The following YKT6 variants were observed in gnomAD, a reference collection of about 807,000 sequenced individuals.
YKT6 encodes synaptobrevin homolog YKT6.
A neutral mutation model predicts 29.3 loss-of-function variants in YKT6; 12 were observed. That is an observed-to-expected ratio of 0.41 (90% CI 0.26 to 0.66). The LOEUF is 0.66. Among genes scored for constraint, YKT6 ranks in the 30% least tolerant of loss-of-function variants. The pLI is 0.32. For synonymous variants in YKT6, 86 were observed against 94.3 expected (o/e 0.91, Z 0.51); for missense variants, 188 against 243.8 (o/e 0.77, Z 1.52).
In YKT6 at chr7:44,212,543, C is replaced by T; in HGVS notation, c.*261C>T. On this transcript the variant is annotated 3_prime_UTR_variant, in exon 7 of 7. Coordinates refer to ENST00000223369, the MANE Select transcript of YKT6 (RefSeq NM_006555.4). ...AAATGAAACCATAAACTCCGACTGG[C>T]TTCTGTAGATGCCAAAGGGCTCTTT... 1 of 474,424 alleles carries T rather than the reference C, an allele frequency of 2.1e-6. No individual in the cohort carries two copies. Among genetic ancestry groups the T allele is most frequent in the South Asian group, 3.8e-5 (1 of 26,008 alleles). The allele number at this position is 474,424 out of a possible 1,614,324, so 29.4% of individuals were successfully genotyped here.
chr7:44,211,768 A>C (rs1271452779), intron 6 of YKT6, among the ~76,000 whole-genome samples: 1 of 152,242 alleles, frequency 6.6e-6, no homozygotes, highest in Non-Finnish European at 1.5e-5. Context: ...CCAGAAAGCA[A>C]GAGAGAAGGT....
chr7:44,201,256 G>A lies in YKT6; in HGVS notation c.104+17G>A. ...GAGATCCAGGTGAGCGGCACAGGCT[G>A]GTGGGCCGTGGCGGTCGGGCGGAGA... On this transcript the variant is annotated intron_variant, in intron 1 of 6. Transcript: ENST00000223369. 4 of 1,607,198 alleles carry A rather than the reference G, an allele frequency of 2.5e-6. No individual in the cohort carries two copies. Among genetic ancestry groups the A allele is most frequent in the Non-Finnish European group, 3.4e-6 (4 of 1,176,334 alleles).
intron 5 of YKT6, among the ~76,000 whole-genome samples, chr7:44,209,617 T>C (rs948932372): frequency 2.0e-5 from 3 of 152,220 alleles, no homozygotes; most frequent in Non-Finnish European, 4.4e-5. Flanking sequence ...CAGTTAACTT[T>C]CTGTGTTAAA....
intron 6 of YKT6, chr7:44,211,546 T>G (rs570881753): frequency 9.9e-7 from 1 of 1,012,736 alleles, no homozygotes; most frequent in Non-Finnish European, 1.2e-6. Context: ...TTAATTTCCC[T>G]TTGACAGAAA....
chr7:44,208,288 A>G, intron 5 of YKT6, 90 bp downstream of exon 5: 1 of 1,408,276 alleles, frequency 7.1e-7, no homozygotes, highest in African/African-American at 1.4e-5. Context: ...CCTCGTTTTA[A>G]TATAATAGTA....
At chr7:44,208,652 G>C (rs2096343461) in intron 5 of YKT6, 2 of 156,776 alleles carry the variant, frequency 1.3e-5, no homozygotes, top group Non-Finnish European at 2.8e-5. Flanking sequence ...TATGGGCCCA[G>C]GGTTGTCACA....
chr7:44,211,595 T>A, intron 6 of YKT6: 2 of 1,010,502 alleles, frequency 2.0e-6, no homozygotes, highest in Non-Finnish European at 2.4e-6. Flanking sequence ...TGACTGCCGC[T>A]TTCTCTCAGG....
At chr7:44,204,225 A>G (rs1214808778) in intron 1 of YKT6, among the ~76,000 whole-genome samples, 1 of 152,200 alleles carries the variant, frequency 6.6e-6, no homozygotes, top group Non-Finnish European at 1.5e-5. Context: ...CTTGGAAGTT[A>G]TTGGGACCTT....
chr7:44,205,863 A>G (rs756844247), intron 2 of YKT6, among the ~76,000 whole-genome samples: 12 of 152,184 alleles, frequency 7.9e-5, no homozygotes, highest in Non-Finnish European at 1.8e-4. Flanking sequence ...CCAGTCACCC[A>G]CCAGAGTGGA....
At chr7:44,206,773 C>T (rs2908284) in intron 3 of YKT6, among the ~76,000 whole-genome samples, 3,445 of 152,230 alleles carry the variant, frequency 0.023, 127 homozygotes, top group African/African-American at 0.077. Context: ...GTTCTCGCCC[C>T]CTGTGCTTCT....
rs56734972 is a variant in YKT6 at position 44,213,734 on chromosome 7, A to G, written c.*1452A>G. ...AGAGTCTCAGTGGTCCTGACCCCCA[A>G]TGTGGGCAGGGGCTGGGCAGGAGGG... On this transcript the variant is annotated 3_prime_UTR_variant, in exon 7 of 7. Transcript: ENST00000223369. The G allele has an allele frequency of 9.7e-3, 1,476 of 152,142 alleles. 20 individuals are homozygous for G. The highest frequency in any genetic ancestry group is 0.033 in the African/African-American group (1,377 of 41,466). The allele number at this position is 152,142 out of a possible 1,614,324, so 9.4% of individuals were successfully genotyped here. A position where few individuals can be genotyped will look rare whatever the true frequency, so the allele number is the denominator to read the frequency against.
chr7:44,201,453 G>C (rs1011169102), intron 1 of YKT6, among the ~76,000 whole-genome samples: 69 of 152,164 alleles, frequency 4.5e-4, no homozygotes, highest in African/African-American at 1.7e-3. Context: ...GGGGTCTGCT[G>C]TCCGGGCTTG....
At chr7:44,211,666 G>C in intron 6 of YKT6, 1 of 982,752 alleles carries the variant, frequency 1.0e-6, no homozygotes, top group Non-Finnish European at 1.2e-6. Flanking sequence ...GATAGTCATA[G>C]GGACAAATTT....
chr7:44,203,369 C>T (rs1403093988), intron 1 of YKT6, among the ~76,000 whole-genome samples: 4 of 152,238 alleles, frequency 2.6e-5, no homozygotes, highest in African/African-American at 7.2e-5. Flanking sequence ...GCTAGGATTA[C>T]AGGCTTGAGC....
intron 1 of YKT6, among the ~76,000 whole-genome samples, chr7:44,202,297 T>C (rs34110131): frequency 0.066 from 10,073 of 152,288 alleles, 357 homozygotes; most frequent in East Asian, 0.085. Context: ...GGTAAAATGG[T>C]ACACAAAATT....
rs143284758 is a variant in YKT6, at chr7:44,207,404, C to G, written c.305C>G (p.Ser102Cys). The G allele has an allele frequency of 1.1e-5, 18 of 1,613,884 alleles. No homozygotes were observed. Among genetic ancestry groups the G allele is most frequent in the Non-Finnish European group, 1.4e-5 (16 of 1,179,944 alleles). ...TLLEKVLDEFSKQVDRIDWPV... is the reference protein window; with the variant it reads ...TLLEKVLDEFCKQVDRIDWPV... ...GTCTTGCAGGTACTAGATGAATTCT[C>G]CAAGCAAGTCGACAGGATAGACTGG... The change falls in exon 4 of 7, where the codon TCC becomes TGC. Residue 102 changes from serine (S) to cysteine (C), a missense_variant. Around this residue, in one of 3 missense-constraint regions of YKT6, gnomAD observed 100 missense variants for 136.3 expected, o/e 0.73. Coordinates refer to ENST00000223369, the MANE Select transcript of YKT6 (RefSeq NM_006555.4).
rs57947158 is a variant in YKT6, at chr7:44,209,434, G to A, written c.459+1236G>A. Among the ~76,000 whole-genome samples the A allele has an allele frequency of 8.9e-3, 1,360 of 152,210 alleles. 17 individuals carry two copies. The highest frequency in any genetic ancestry group is 0.031 in the African/African-American group (1,271 of 41,512). On this transcript the variant is annotated intron_variant, in intron 5 of 6. Coordinates refer to ENST00000223369, the MANE Select transcript of YKT6 (RefSeq NM_006555.4). ...CTTACCACCTAGGTGGCATTTCTCC[G>A]TTTTCTCCTCAAGCCATCTCTTTCT...
rs998775671 is a variant in YKT6 at position 44,212,238 on chromosome 7, T to C, written c.562-9T>C. On this transcript the variant is annotated splice_polypyrimidine_tract_variant and intron_variant, in intron 6 of 6. Coordinates refer to ENST00000223369, the MANE Select transcript of YKT6 (RefSeq NM_006555.4). ...CCTCCTTCTCAGCTCCTCTTTGTTTTTTTCCAAGGCCCGGAAACAAAACTC... is the reference window on the plus strand; with the variant it reads ...CCTCCTTCTCAGCTCCTCTTTGTTTCTTTCCAAGGCCCGGAAACAAAACTC... 1 of 1,614,090 alleles carries C rather than the reference T, an allele frequency of 6.2e-7. No homozygotes were observed. Among genetic ancestry groups the C allele is most frequent in the Admixed American group, 1.7e-5 (1 of 60,028 alleles).
At chr7:44,207,724 T>G (rs567969296) in intron 4 of YKT6, among the ~76,000 whole-genome samples, 152 of 152,132 alleles carry the variant, frequency 1.0e-3, no homozygotes, top group African/African-American at 3.1e-3. Flanking sequence ...TGTGGGTTTT[T>G]TTTTTTGTTT....
Sources: allele counts gnomAD v4.1 joint callset (sites outside exome capture counted in the v4.1 genomes callset), GRCh38; gene constraint gnomAD v4.1.1; regional missense constraint gnomAD v4.1.1; transcripts MANE v1.5; gene names NCBI Gene and HGNC (gene_info 2026-07-23, HGNC 2026-07-21).